Variants in AKAP6 observed in about 807,000 individuals in gnomAD.
AKAP6 encodes A-kinase anchoring protein 6.
A neutral mutation model predicts 188.5 loss-of-function variants in AKAP6; 58 were observed. That is an observed-to-expected ratio of 0.31 (90% CI 0.25 to 0.38). The LOEUF is 0.38. AKAP6 is among the 10% of genes least tolerant of loss of function. The pLI, the probability that AKAP6 is intolerant of heterozygous loss-of-function variation, is 1.00. For synonymous variants in AKAP6, 989 were observed against 998.6 expected (o/e 0.99, Z 0.18); for missense variants, 2,710 against 2,740.0 (o/e 0.99, Z 0.24).
chr14:32,736,275 C>T (rs1278558630), intron 11 of AKAP6, among the ~76,000 whole-genome samples: 2 of 152,050 alleles, frequency 1.3e-5, no homozygotes, highest in African/African-American at 2.4e-5. Flanking sequence ...ATGATTTAAT[C>T]GAAGTCCATT....
chr14:32,375,456 C>G (rs552085768), intron 1 of AKAP6, among the ~76,000 whole-genome samples: 126 of 149,832 alleles, frequency 8.4e-4, no homozygotes, highest in Non-Finnish European at 1.5e-3. Flanking sequence ...GTGTATCAGG[C>G]TAGGGAATTG....
At chr14:32,419,904 A>G (rs920881218) in intron 1 of AKAP6, among the ~76,000 whole-genome samples, 1 of 151,612 alleles carries the variant, frequency 6.6e-6, no homozygotes, top group Non-Finnish European at 1.5e-5. Context: ...AAAAACAAAA[A>G]CAAAAGAAAA....
intron 7 of AKAP6, among the ~76,000 whole-genome samples, chr14:32,670,987 G>T (rs531882017): frequency 3.0e-4 from 45 of 152,200 alleles, no homozygotes; most frequent in African/African-American, 1.1e-3. Context: ...TAGGGATAAA[G>T]CAGTAAACAC....
intron 7 of AKAP6, among the ~76,000 whole-genome samples, chr14:32,610,830 C>G (rs1886321191): frequency 6.6e-6 from 1 of 152,076 alleles, no homozygotes; most frequent in Non-Finnish European, 1.5e-5. Flanking sequence ...TGTTTATAAG[C>G]AAGAGATGAG....
intron 5 of AKAP6, among the ~76,000 whole-genome samples, chr14:32,595,387 C>T (rs868266599): frequency 1.3e-5 from 2 of 152,074 alleles, no homozygotes; most frequent in Non-Finnish European, 2.9e-5. Flanking sequence ...TCTTCAGGCC[C>T]GTGTACAAAT....
chr14:32,593,011 A>AGCACACAC (rs1555343002), intron 5 of AKAP6, among the ~76,000 whole-genome samples: 1 of 123,800 alleles, frequency 8.1e-6, no homozygotes, highest in Non-Finnish European at 1.7e-5. Context: ...CCCCCACCCC[A>AGCACACAC]ACACACACAC....
chr14:32,584,386 C>T (rs563602501), intron 5 of AKAP6, among the ~76,000 whole-genome samples: 11 of 152,264 alleles, frequency 7.2e-5, no homozygotes, highest in South Asian at 2.1e-4. Flanking sequence ...CTCAGAATGG[C>T]GTGCAATTTA....
chr14:32,625,814 A>G (rs964102355), intron 7 of AKAP6, among the ~76,000 whole-genome samples: 3 of 152,132 alleles, frequency 2.0e-5, no homozygotes, highest in Admixed American at 6.5e-5. Flanking sequence ...TTGGAAAGAT[A>G]TGAGTTAAGC....
At chr14:32,796,990 T>G (rs1387245521) in intron 12 of AKAP6, among the ~76,000 whole-genome samples, 1 of 151,230 alleles carries the variant, frequency 6.6e-6, no homozygotes, top group Non-Finnish European at 1.5e-5. Flanking sequence ...AAAGGACTCT[T>G]CTCAAAAGAC....
chr14:32,765,017 C>A (rs1238841092), intron 11 of AKAP6, among the ~76,000 whole-genome samples: 1 of 150,678 alleles, frequency 6.6e-6, no homozygotes, highest in Non-Finnish European at 1.5e-5. Flanking sequence ...TCACTGCAAC[C>A]TCTGCCTCCC....
intron 1 of AKAP6, among the ~76,000 whole-genome samples, chr14:32,382,287 G>A (rs2138555578): frequency 6.6e-6 from 1 of 152,232 alleles, no homozygotes; most frequent in East Asian, 1.9e-4. Context: ...AGATTTCAGA[G>A]GGAGCCTCTG....
chr14:32,769,213 A>C (rs370541761), intron 11 of AKAP6, among the ~76,000 whole-genome samples: 2 of 151,164 alleles, frequency 1.3e-5, no homozygotes, highest in South Asian at 4.2e-4. Flanking sequence ...ACACCCAGCT[A>C]ATTTTTATAT....
intron 5 of AKAP6, among the ~76,000 whole-genome samples, chr14:32,584,159 T>G (rs1885118990): frequency 2.0e-5 from 3 of 152,198 alleles, no homozygotes; most frequent in Non-Finnish European, 4.4e-5. Flanking sequence ...CAGTGGTCCC[T>G]CTTATTCGAG....
intron 1 of AKAP6, among the ~76,000 whole-genome samples, chr14:32,366,677 G>A (rs1887844601): frequency 6.6e-6 from 1 of 151,968 alleles, no homozygotes; most frequent in African/African-American, 2.4e-5. Context: ...CTTTATATTT[G>A]GATTTGAAAA....
intron 4 of AKAP6, among the ~76,000 whole-genome samples, chr14:32,567,598 GA>G: frequency 6.6e-6 from 1 of 152,158 alleles, no homozygotes; most frequent in East Asian, 1.9e-4. Flanking sequence ...TTCCCTGGAG[GA>G]AATTTAGAGT....
chr14:32,508,393 A>G (rs1465922442), intron 2 of AKAP6, among the ~76,000 whole-genome samples: 2 of 152,244 alleles, frequency 1.3e-5, no homozygotes, highest in Non-Finnish European at 1.5e-5. Flanking sequence ...GACAGACACT[A>G]GAACCATTGT....
rs1002599240 is a variant in AKAP6, at chr14:32,330,268, G to A, written c.-35+860G>A. On this transcript the variant is annotated intron_variant, in intron 1 of 13. Coordinates refer to ENST00000280979, the MANE Select transcript of AKAP6 (RefSeq NM_004274.5). ...ATATCAGGGTCCTCAGTGGTTGTAG[G>A]GATTACAGACCTCTGGACTCAGTCA... 5.3e-5 allele frequency among the ~76,000 whole-genome samples: 8 copies of A among 151,866 alleles called. No individual in the cohort carries two copies. The South Asian group carries it at 1.2e-3, about 24-fold the overall frequency.
chr14:32,800,840 AC>A (rs1177518892), intron 12 of AKAP6, among the ~76,000 whole-genome samples: 1 of 151,858 alleles, frequency 6.6e-6, no homozygotes, highest in East Asian at 1.9e-4. Flanking sequence ...CATAGCAAAA[AC>A]CCATCTATGC....
chr14:32,740,295 GT>G (rs1286172010), intron 11 of AKAP6, among the ~76,000 whole-genome samples: 1 of 152,020 alleles, frequency 6.6e-6, no homozygotes, highest in African/African-American at 2.4e-5. Flanking sequence ...CAGATGGGTA[GT>G]TTGCAAATAT....
Sources: gnomAD v4.1 joint callset for allele counts (sites outside exome capture counted in the v4.1 genomes callset) on GRCh38, gnomAD v4.1.1 for gene constraint, MANE v1.5 for transcripts, NCBI Gene and HGNC (gene_info 2026-07-23, HGNC 2026-07-21) for gene names.